RABEP1: variants seen among roughly 807,000 people sequenced by gnomAD.
The protein encoded by RABEP1 is rabaptin, RAB GTPase binding effector protein 1, also known as rab GTPase-binding effector protein 1.
A neutral mutation model predicts 123.4 loss-of-function variants in RABEP1; 51 were observed. That is an observed-to-expected ratio of 0.41 (90% confidence interval 0.33 to 0.52). The LOEUF (loss-of-function observed/expected upper bound fraction) is 0.52, where lower values mean the gene tolerates loss of function less well. Ranked by LOEUF, RABEP1 falls within the 20% of genes least tolerant of loss-of-function variation. The probability of loss-of-function intolerance (pLI) is 0.16; values close to 1 mark genes in which losing one functional copy is unlikely to be tolerated. For missense variants in RABEP1, 888 were observed against 996.3 expected (o/e 0.89, Z 1.46); for synonymous variants, 347 against 355.2 (o/e 0.98, Z 0.26).
intron 5 of RABEP1, among the ~76,000 whole-genome samples, chr17:5,338,450 C>T (rs1009894366): frequency 1.3e-5 from 2 of 152,216 alleles, no homozygotes; most frequent in Admixed American, 1.3e-4. Flanking sequence ...ATCCCGGCTG[C>T]TCCCAGCCTC....
chr17:5,361,459 T>G lies in RABEP1; in HGVS notation c.1347T>G (p.Ser449=). The change falls in exon 9 of 18, where the codon TCT becomes TCG. Residue 449 remains serine, a synonymous_variant. Transcript: ENST00000537505. The part of the protein sequence containing the change: ...FGPLVGADSV[S]ENFDTASLGS... ...CACTGGTAGGAGCAGATTCAGTGTC[T>G]GAGAACTTTGATACTGCATCCCTTG... 1 of 1,614,200 alleles carries G rather than the reference T, an allele frequency of 6.2e-7. No individual in the cohort carries two copies. Among genetic ancestry groups the G allele is most frequent in the South Asian group, 1.1e-5 (1 of 91,088 alleles).
intron 4 of RABEP1, among the ~76,000 whole-genome samples, chr17:5,336,116 C>T: frequency 6.6e-6 from 1 of 152,186 alleles, no homozygotes; most frequent in South Asian, 2.1e-4. Flanking sequence ...TAAACTTTTA[C>T]ATTATTTTAT....
At chr17:5,370,560 C>T (rs1910446561) in intron 12 of RABEP1, among the ~76,000 whole-genome samples, 1 of 152,084 alleles carries the variant, frequency 6.6e-6, no homozygotes. Context: ...AAGAATCCGG[C>T]CAATTGCTTT....
intron 3 of RABEP1, among the ~76,000 whole-genome samples, chr17:5,334,617 G>C (rs1202139284): frequency 6.6e-6 from 1 of 152,148 alleles, no homozygotes; most frequent in African/African-American, 2.4e-5. Context: ...CTGCCCGTCT[G>C]CCTCCCACAG....
chr17:5,385,835 T>A lies in RABEP1; in HGVS notation c.*2612T>A. Reference sequence around the variant, plus strand: ...ACACTGTGTGGTCTTCTCCTTTGAATCCTAGGGTTCTATCCCTCTTCAGAG... The same window carrying A: ...ACACTGTGTGGTCTTCTCCTTTGAAACCTAGGGTTCTATCCCTCTTCAGAG... On this transcript the variant is annotated 3_prime_UTR_variant, in exon 18 of 18. Transcript: ENST00000537505. 3.9e-6 allele frequency: 1 copy of A among 255,920 alleles called. No individual in the cohort carries two copies. The highest frequency in any genetic ancestry group is 5.8e-5 in the East Asian group (1 of 17,174). The allele number at this position is 255,920 out of a possible 1,614,324, so 15.9% of individuals were successfully genotyped here.
Position 5,299,719 on chromosome 17 carries a change from C to CTTTTTTTTTTTTTTTTTTTT in RABEP1, c.35-8970_35-8969insTTTTTTTTTTTTTTTTTTTT, listed in dbSNP as rs146585957. 1.7e-3 allele frequency among the ~76,000 whole-genome samples: 166 copies of CTTTTTTTTTTTTTTTTTTTT among 98,810 alleles called. 12 individuals carry two copies. Among genetic ancestry groups the CTTTTTTTTTTTTTTTTTTTT allele is most frequent in the South Asian group, 3.0e-3 (5 of 1,648 alleles). 64.8% of individuals were successfully genotyped at this position (98,810 alleles called of 152,430 possible). A position where few individuals can be genotyped will look rare whatever the true frequency, so the allele number is the denominator to read the frequency against. On this transcript the variant is annotated intron_variant, in intron 1 of 17. Coordinates refer to ENST00000537505, the MANE Select transcript of RABEP1 (RefSeq NM_004703.6). Reference sequence around the variant, plus strand: ...TCATTTCTTTTTCTTTTTTTCTTTTCTTTTTCTTTTTCTTTTTTTTTTTTT... The same window carrying CTTTTTTTTTTTTTTTTTTTT: ...TCATTTCTTTTTCTTTTTTTCTTTTCTTTTTTTTTTTTTTTTTTTTTTTTTCTTTTTCTTTTTTTTTTTTT...
chr17:5,286,000 C>T (rs1452315007), intron 1 of RABEP1, among the ~76,000 whole-genome samples: 1 of 152,104 alleles, frequency 6.6e-6, no homozygotes, highest in Non-Finnish European at 1.5e-5. Context: ...TTAAGGTACT[C>T]TTTTACTTCT....
chr17:5,347,222 C>A (rs1908135395), intron 6 of RABEP1, among the ~76,000 whole-genome samples: 1 of 152,060 alleles, frequency 6.6e-6, no homozygotes, highest in African/African-American at 2.4e-5. Context: ...CCAGCCTGGC[C>A]AACATGGCGA....
chr17:5,306,350 G>A (rs1198583503), intron 1 of RABEP1, among the ~76,000 whole-genome samples: 1 of 152,108 alleles, frequency 6.6e-6, no homozygotes, highest in Non-Finnish European at 1.5e-5. Context: ...ATGGTAGGCC[G>A]GGCACGGTGG....
At chr17:5,380,685 A>G in intron 16 of RABEP1, 6 of 543,838 alleles carry the variant, frequency 1.1e-5, no homozygotes, top group Non-Finnish European at 2.0e-5. Context: ...GGCTAGCTTC[A>G]GATAGTAGGC....
At chr17:5,374,523 G>A (rs888321959) in intron 13 of RABEP1, among the ~76,000 whole-genome samples, 3 of 151,834 alleles carry the variant, frequency 2.0e-5, no homozygotes, top group South Asian at 2.1e-4. Flanking sequence ...TGCAACCTCC[G>A]CCTCCTGGGT....
At chr17:5,355,494 G>A (rs1908938464) in intron 8 of RABEP1, among the ~76,000 whole-genome samples, 1 of 152,086 alleles carries the variant, frequency 6.6e-6, no homozygotes, top group Non-Finnish European at 1.5e-5. Context: ...CTCACTTACT[G>A]CTCTCCACCT....
intron 2 of RABEP1, among the ~76,000 whole-genome samples, chr17:5,322,807 G>A (rs946564422): frequency 3.0e-4 from 46 of 152,244 alleles, no homozygotes; most frequent in African/African-American, 1.1e-3. Context: ...AGGTGCAGTG[G>A]CTCATGCCTG....
At chr17:5,355,783 G>A (rs1908964614) in intron 8 of RABEP1, among the ~76,000 whole-genome samples, 1 of 152,128 alleles carries the variant, frequency 6.6e-6, no homozygotes, top group African/African-American at 2.4e-5. Context: ...AAAAATTTTA[G>A]TAGACACTAA....
At chr17:5,343,229 G>C (rs1230412523) in intron 5 of RABEP1, among the ~76,000 whole-genome samples, 2 of 152,110 alleles carry the variant, frequency 1.3e-5, no homozygotes, top group African/African-American at 4.8e-5. Flanking sequence ...TCCAGCCTAG[G>C]CGACGAGTGA....
chr17:5,299,731 C>CTTTTTTTTTTTTTTTTTT (rs1171650180), intron 1 of RABEP1, among the ~76,000 whole-genome samples: 4 of 96,868 alleles, frequency 4.1e-5, no homozygotes, highest in Non-Finnish European at 7.4e-5. Flanking sequence ...TTTTCTTTTT[C>CTTTTTTTTTTTTTTTTTT]TTTTTTTTTT....
At chr17:5,337,906 T>C (rs983974141) in intron 4 of RABEP1, 113 bp from the exon 5 acceptor site, 57 of 1,178,336 alleles carry the variant, frequency 4.8e-5, no homozygotes, top group Non-Finnish European at 6.4e-5. Flanking sequence ...AATATTAATA[T>C]AGTGTCTGGT....
intron 8 of RABEP1, 198 bp from the exon 9 acceptor site, chr17:5,361,010 G>T: frequency 5.3e-6 from 3 of 568,190 alleles, no homozygotes; most frequent in East Asian, 2.9e-5. Flanking sequence ...ATTATATCTT[G>T]CTCACAGTTG....
At chr17:5,333,134 T>C (rs932356968) in intron 3 of RABEP1, among the ~76,000 whole-genome samples, 5 of 152,124 alleles carry the variant, frequency 3.3e-5, no homozygotes, top group African/African-American at 7.2e-5. Context: ...CACTGAATCT[T>C]TGAGTTCCTG....
Sources: allele counts gnomAD v4.1 joint callset (sites outside exome capture counted in the v4.1 genomes callset), GRCh38; gene constraint gnomAD v4.1.1; transcripts MANE v1.5; gene names NCBI Gene and HGNC (gene_info 2026-07-23, HGNC 2026-07-21).